TAF15: variants seen among roughly 807,000 people sequenced by gnomAD.
TAF15 encodes TATA-binding protein-associated factor 2N.
Under a neutral mutation model 102.5 loss-of-function variants are expected in TAF15, and 37 were observed. That is an observed-to-expected ratio of 0.36 (90% CI 0.28 to 0.47). The LOEUF is 0.47. Among genes scored for constraint, TAF15 ranks in the 20% least tolerant of loss-of-function variants. The pLI is 0.99. For missense variants in TAF15, 652 were observed against 760.7 expected (o/e 0.86, Z 1.68); for synonymous variants, 273 against 259.2 (o/e 1.05, Z -0.51).
Position 35,820,266 on chromosome 17 carries a change from A to C in TAF15, c.184+18A>C, listed in dbSNP as rs375164605. The C allele has an allele frequency of 1.5e-5, 25 of 1,613,872 alleles. No individual in the cohort carries two copies. Among genetic ancestry groups the C allele is most frequent in the Non-Finnish European group, 1.4e-5 (16 of 1,179,912 alleles). On this transcript the variant is annotated intron_variant, in intron 4 of 15. Coordinates refer to ENST00000605844, the MANE Select transcript of TAF15 (RefSeq NM_139215.3). The stretch of plus-strand genomic sequence containing the variant: ...TCAGTCAGGTTGGACTAGTTTGTTA[A>C]ATTTGTTGTTTCAGAGATTGAAAAA...
intron 5 of TAF15, among the ~76,000 whole-genome samples, chr17:35,822,171 G>A (rs528706109): frequency 3.2e-4 from 49 of 151,814 alleles, no homozygotes; most frequent in Non-Finnish European, 6.6e-4. Flanking sequence ...GAGAAACCCC[G>A]TCTCTACTAA....
intron 2 of TAF15, 29 bp from the exon 3 acceptor site, chr17:35,819,995 C>T: frequency 1.9e-6 from 3 of 1,607,046 alleles, no homozygotes; most frequent in Non-Finnish European, 8.5e-7. Flanking sequence ...CTACACATTT[C>T]TTTCAAGTAT....
chr17:35,844,549 G>T lies in TAF15; in HGVS notation c.1250G>T (p.Gly417Val). Residue 417 changes from glycine to valine, a missense_variant, in exon 15 of 16, where the codon GGC (glycine) becomes GTC (valine). This residue lies in a region of TAF15 where 368 missense variants were observed against 367.5 expected (regional missense o/e 1.00). Transcript: ENST00000605844. ...GRGGRGGDRGGYGGDRSGGGY... is the reference protein window; with the variant it reads ...GRGGRGGDRGVYGGDRSGGGY... Reference sequence around the variant, plus strand: ...GGGGGCAGAGGTGGAGACCGAGGCGGCTATGGTGGAGACAGAAGTGGGGGT... The same window carrying T: ...GGGGGCAGAGGTGGAGACCGAGGCGTCTATGGTGGAGACAGAAGTGGGGGT... The T allele has an allele frequency of 6.3e-7, 1 of 1,599,878 alleles. No individual in the cohort carries two copies. The highest frequency in any genetic ancestry group is 8.5e-7 in the Non-Finnish European group (1 of 1,172,096).
intron 6 of TAF15, among the ~76,000 whole-genome samples, chr17:35,823,230 G>T (rs1292039093): frequency 6.6e-6 from 1 of 152,176 alleles, no homozygotes; most frequent in Admixed American, 6.5e-5. Flanking sequence ...GTAAGTGCTT[G>T]TTGAATAATT....
intron 11 of TAF15, among the ~76,000 whole-genome samples, chr17:35,838,793 T>C (rs2087506280): frequency 6.6e-6 from 1 of 152,358 alleles, no homozygotes; most frequent in African/African-American, 2.4e-5. Context: ...TGTAGAGAGT[T>C]GGCCTGGTTG....
Position 35,844,306 on chromosome 17 carries a change from G to A in TAF15, c.1115G>A (p.Arg372Gln), listed in dbSNP as rs765087079. 4.3e-6 allele frequency: 7 copies of A among 1,614,032 alleles called. No individual in the cohort carries two copies. Among genetic ancestry groups the A allele is most frequent in the African/African-American group, 1.3e-5 (1 of 74,914 alleles). The change falls in exon 14 of 16, where the codon CGA (arginine) becomes CAA (glutamine). Residue 372 changes from arginine to glutamine, a missense_variant. By Grantham distance (43) the Arg-to-Gln change is conservative. Around this residue, in one of 3 missense-constraint regions of TAF15, gnomAD observed 368 missense variants for 367.5 expected, o/e 1.00. Transcript: ENST00000605844. ...NPSCGNMNFA[R>Q]RNSCNQCNEP... The stretch of plus-strand genomic sequence containing the variant: ...TCATGCGGAAATATGAACTTTGCTC[G>A]AAGGAATTCCTGCAATCAGTGCAAT...
chr17:35,839,622 TC>T (rs1019771727), intron 11 of TAF15, among the ~76,000 whole-genome samples: 1 of 152,072 alleles, frequency 6.6e-6, no homozygotes, highest in African/African-American at 2.4e-5. Context: ...GACCTTGTGA[TC>T]CGCCCACCTC....
chr17:35,840,097 T>C (rs1382790148), intron 11 of TAF15, among the ~76,000 whole-genome samples: 1 of 151,876 alleles, frequency 6.6e-6, no homozygotes, highest in African/African-American at 2.4e-5. Context: ...GATCATAGAG[T>C]AAGTCGCAGA....
intron 2 of TAF15, among the ~76,000 whole-genome samples, chr17:35,818,159 G>A (rs4251728): frequency 2.0e-5 from 3 of 151,960 alleles, no homozygotes; most frequent in Admixed American, 1.3e-4. Flanking sequence ...GCAGTGGCGC[G>A]ATCTCGGGTC....
intron 11 of TAF15, 37 bp downstream of exon 11, chr17:35,838,590 G>A (rs4251772): frequency 6.2e-7 from 1 of 1,609,992 alleles, no homozygotes; most frequent in African/African-American, 1.4e-5. Flanking sequence ...CATGAAGTTG[G>A]ATAAATGTTT....
intron 2 of TAF15, 72 bp from the exon 3 acceptor site, chr17:35,819,952 G>A: frequency 7.3e-7 from 1 of 1,367,762 alleles, no homozygotes; most frequent in Non-Finnish European, 1.0e-6. Flanking sequence ...AGTTGAAAAT[G>A]AAGGCAAGGT....
At chr17:35,815,420 C>T (rs924303756) in intron 1 of TAF15, among the ~76,000 whole-genome samples, 3 of 152,124 alleles carry the variant, frequency 2.0e-5, no homozygotes, top group Admixed American at 6.5e-5. Context: ...CTAGTCAGTA[C>T]GCTTATTTCT....
chr17:35,822,895 T>A (rs1191486598), intron 6 of TAF15, 62 bp downstream of exon 6: 1 of 1,590,608 alleles, frequency 6.3e-7, no homozygotes, highest in African/African-American at 1.3e-5. Context: ...TATGAATTTC[T>A]GATTAAAAGA....
intron 1 of TAF15, chr17:35,810,003 G>A (rs1862322175): frequency 3.2e-6 from 1 of 317,364 alleles, no homozygotes; most frequent in Admixed American, 4.6e-5. Flanking sequence ...TCGCCGCCTC[G>A]TACCTCAGTT....
chr17:35,829,584 A>C (rs2087374207), intron 7 of TAF15, among the ~76,000 whole-genome samples: 2 of 136,202 alleles, frequency 1.5e-5, no homozygotes, highest in Non-Finnish European at 3.1e-5. Flanking sequence ...GTGAGCCGAG[A>C]TCGTGCCACT....
chr17:35,831,815 G>T (rs1198627569), intron 7 of TAF15, among the ~76,000 whole-genome samples: 1 of 152,066 alleles, frequency 6.6e-6, no homozygotes, highest in Admixed American at 6.6e-5. Flanking sequence ...GGGCGTGGTG[G>T]CTCACACCTG....
chr17:35,828,637 A>G (rs1015621026), intron 7 of TAF15, among the ~76,000 whole-genome samples: 5 of 152,134 alleles, frequency 3.3e-5, no homozygotes, highest in South Asian at 2.1e-4. Context: ...AAGCTGAGGT[A>G]GGAGGATTGC....
chr17:35,812,003 A>G lies in TAF15; in HGVS notation c.7+2427A>G, dbSNP rs564690851. On this transcript the variant is annotated intron_variant, in intron 1 of 15. Coordinates refer to ENST00000605844, the MANE Select transcript of TAF15 (RefSeq NM_139215.3). Reference sequence around the variant, plus strand: ...TGCCAGCTACCCTGGAGAGGAGGGCATACACCTTTTTTAGACACCTGGGTT... The same window carrying G: ...TGCCAGCTACCCTGGAGAGGAGGGCGTACACCTTTTTTAGACACCTGGGTT... 2.0e-5 allele frequency among the ~76,000 whole-genome samples: 3 copies of G among 152,360 alleles called. No individual in the cohort carries two copies. The East Asian group carries it at 5.8e-4, about 29-fold the overall frequency.
intron 7 of TAF15, among the ~76,000 whole-genome samples, chr17:35,829,645 AAAAAAAAAAAAG>A (rs2087376692): frequency 2.7e-5 from 4 of 147,508 alleles, no homozygotes; most frequent in Middle Eastern, 3.2e-3. Flanking sequence ...AAAAAAAAAA[AAAAAAAAAAAAG>A]AGAGAGAGAG....
Sources: allele counts gnomAD v4.1 joint callset (sites outside exome capture counted in the v4.1 genomes callset), GRCh38; gene constraint gnomAD v4.1.1; regional missense constraint gnomAD v4.1.1; transcripts MANE v1.5; gene names NCBI Gene and HGNC (gene_info 2026-07-23, HGNC 2026-07-21).